MLLT3: variants seen among roughly 807,000 people sequenced by gnomAD.
MLLT3 encodes the protein MLLT3 super elongation complex subunit.
MLLT3 carries 4 observed loss-of-function variants against 53.2 expected under a neutral mutation model. That is an observed-to-expected ratio of 0.08 (90% CI 0.04 to 0.17). MLLT3 has a LOEUF of 0.17. Ranked by LOEUF, MLLT3 falls within the 10% of genes least tolerant of loss-of-function variation. MLLT3 has a pLI of 1.00. For synonymous variants in MLLT3, 283 were observed against 230.6 expected (o/e 1.23, Z -2.06); for missense variants, 569 against 684.0 (o/e 0.83, Z 1.87).
intron 7 of MLLT3, among the ~76,000 whole-genome samples, chr9:20,361,461 T>C (rs1821320198): frequency 6.6e-6 from 1 of 152,136 alleles, no homozygotes; most frequent in Admixed American, 6.5e-5. Flanking sequence ...GGATTGAACA[T>C]GTGGAGCCCG....
At chr9:20,501,427 G>C (rs12376901) in intron 2 of MLLT3, among the ~76,000 whole-genome samples, 23,040 of 152,010 alleles carry the variant, frequency 0.15, 2,388 homozygotes, top group Middle Eastern at 0.23. Flanking sequence ...ATATCCAAAG[G>C]AGCCCTCATT....
At chr9:20,587,730 T>C (rs994681782) in intron 2 of MLLT3, among the ~76,000 whole-genome samples, 3 of 152,210 alleles carry the variant, frequency 2.0e-5, no homozygotes, top group Middle Eastern at 3.4e-3. Context: ...CATTGTAGAT[T>C]CTGGATATTA....
At chr9:20,404,090 G>T (rs563280752) in intron 5 of MLLT3, among the ~76,000 whole-genome samples, 7 of 152,090 alleles carry the variant, frequency 4.6e-5, no homozygotes, top group Non-Finnish European at 1.0e-4. Context: ...CAAAGTGCCG[G>T]GACTACAGGT....
chr9:20,486,529 T>C (rs961910114), intron 2 of MLLT3, among the ~76,000 whole-genome samples: 1 of 152,162 alleles, frequency 6.6e-6, no homozygotes, highest in African/African-American at 2.4e-5. Context: ...GCATACTAAC[T>C]GGCAAACCTC....
intron 2 of MLLT3, among the ~76,000 whole-genome samples, chr9:20,513,445 T>C (rs1240758167): frequency 1.3e-5 from 2 of 152,150 alleles, no homozygotes; most frequent in Non-Finnish European, 2.9e-5. Context: ...AAAGACAAGA[T>C]GGCAGGGAAA....
chr9:20,487,121 G>A (rs2118915437), intron 2 of MLLT3, among the ~76,000 whole-genome samples: 1 of 152,114 alleles, frequency 6.6e-6, no homozygotes, highest in African/African-American at 2.4e-5. Context: ...GGCAGAGAGG[G>A]CATTAGCTAA....
intron 2 of MLLT3, among the ~76,000 whole-genome samples, chr9:20,459,550 T>C (rs940201344): frequency 2.6e-5 from 4 of 152,194 alleles, no homozygotes; most frequent in Non-Finnish European, 5.9e-5. Context: ...ATCATGCCAA[T>C]GTCATTGGAA....
At chr9:20,616,201 T>G (rs1379449951) in intron 2 of MLLT3, among the ~76,000 whole-genome samples, 6 of 152,086 alleles carry the variant, frequency 3.9e-5, no homozygotes, top group Non-Finnish European at 8.8e-5. Context: ...ATTTCCATAA[T>G]GCAAATGAGA....
Position 20,342,457 on chromosome 9 carries a change from A to G in MLLT3, c.*3986T>C, listed in dbSNP as rs549825592. The G allele has an allele frequency of 4.0e-5, 9 of 222,364 alleles. No individual in the cohort carries two copies. The highest frequency in any genetic ancestry group is 1.8e-4 in the African/African-American group (8 of 44,768). The allele number at this position is 222,364 out of a possible 1,614,324, so 13.8% of individuals were successfully genotyped here. ...TCAATAATACATTTTCACTTAATTT[A>G]TTTTTGCACTGCATGGTAGCTCTGG... On this transcript the variant is annotated 3_prime_UTR_variant, in exon 11 of 11. Transcript: ENST00000380338.
intron 9 of MLLT3, among the ~76,000 whole-genome samples, chr9:20,354,524 T>G (rs1827332547): frequency 6.6e-6 from 1 of 152,228 alleles, no homozygotes; most frequent in Non-Finnish European, 1.5e-5. Context: ...ATATTCTATC[T>G]CTACCACAAT....
At chr9:20,374,561 C>T (rs894795349) in intron 5 of MLLT3, among the ~76,000 whole-genome samples, 1 of 152,128 alleles carries the variant, frequency 6.6e-6, no homozygotes. Context: ...CAATATTCTA[C>T]TTATGTTAAC....
chr9:20,495,980 A>G (rs1048176663), intron 2 of MLLT3, among the ~76,000 whole-genome samples: 3 of 152,228 alleles, frequency 2.0e-5, no homozygotes, highest in Non-Finnish European at 2.9e-5. Context: ...GCTCCTGGAA[A>G]TTTATAACAC....
At chr9:20,571,815 C>A (rs746802014) in intron 2 of MLLT3, among the ~76,000 whole-genome samples, 9 of 152,144 alleles carry the variant, frequency 5.9e-5, no homozygotes, top group Non-Finnish European at 1.2e-4. Context: ...CAAATTAAAA[C>A]CACAATAAGA....
At chr9:20,390,638 C>T (rs964115048) in intron 5 of MLLT3, among the ~76,000 whole-genome samples, 7 of 152,156 alleles carry the variant, frequency 4.6e-5, no homozygotes, top group African/African-American at 1.7e-4. Flanking sequence ...TTCACATATA[C>T]CAAGAACTCT....
intron 4 of MLLT3, among the ~76,000 whole-genome samples, chr9:20,438,413 C>T (rs1823460826): frequency 6.6e-6 from 1 of 151,934 alleles, no homozygotes; most frequent in South Asian, 2.1e-4. Context: ...GGTAGCAGCA[C>T]TTTACTTATT....
intron 2 of MLLT3, among the ~76,000 whole-genome samples, chr9:20,529,618 T>A (rs1818279693): frequency 6.6e-6 from 1 of 152,174 alleles, no homozygotes; most frequent in Admixed American, 6.5e-5. Flanking sequence ...ATTTTAGAAT[T>A]ATACTTGCTG....
intron 2 of MLLT3, among the ~76,000 whole-genome samples, chr9:20,494,659 G>A (rs974555119): frequency 1.3e-5 from 2 of 152,070 alleles, no homozygotes; most frequent in African/African-American, 4.8e-5. Flanking sequence ...ACAAAGTGGT[G>A]ACAGCTAAAA....
chr9:20,544,921 A>G (rs1818746106), intron 2 of MLLT3, among the ~76,000 whole-genome samples: 1 of 151,968 alleles, frequency 6.6e-6, no homozygotes, highest in Non-Finnish European at 1.5e-5. Flanking sequence ...CCTGTCTTTA[A>G]AAAAAATTAA....
chr9:20,446,632 G>C (rs1472222104), intron 4 of MLLT3, among the ~76,000 whole-genome samples: 2 of 152,120 alleles, frequency 1.3e-5, no homozygotes, highest in African/African-American at 4.8e-5. Context: ...AATCAGAAAT[G>C]TAAAATGCCG....
Sources: allele counts gnomAD v4.1 joint callset (sites outside exome capture counted in the v4.1 genomes callset), GRCh38; gene constraint gnomAD v4.1.1; transcripts MANE v1.5; gene names NCBI Gene and HGNC (gene_info 2026-07-23, HGNC 2026-07-21).